Variants in PIGX observed in about 807,000 individuals in gnomAD.
PIGX encodes the protein GPI alpha-1,4-mannosyltransferase I, stabilizing subunit.
PIGX carries 24 observed loss-of-function variants against 28.7 expected under a neutral mutation model. The ratio of observed to expected loss-of-function variants is 0.84; its 90% CI spans 0.60 to 1.17. The LOEUF (loss-of-function observed/expected upper bound fraction) is 1.17, where lower values mean the gene tolerates loss of function less well. PIGX is among the 50% of genes most tolerant of loss of function. The pLI is 0.00. For synonymous variants in PIGX, 127 were observed against 121.0 expected (o/e 1.05, Z -0.33); for missense variants, 305 against 317.8 (o/e 0.96, Z 0.31).
chr3:196,726,672 G>T (rs1449792561), intron 3 of PIGX: 1 of 456,596 alleles, frequency 2.2e-6, no homozygotes, highest in Admixed American at 2.3e-5. Flanking sequence ...CTTCATGGCG[G>T]CGGCTATGGT....
In PIGX at chr3:196,712,578, C is replaced by A; in HGVS notation, c.46C>A (p.Leu16Ile). 1 of 1,189,842 alleles carries A rather than the reference C, an allele frequency of 8.4e-7. No individual in the cohort carries two copies. The highest frequency in any genetic ancestry group is 4.2e-5 in the South Asian group (1 of 23,990). 73.7% of individuals were successfully genotyped at this position (1,189,842 alleles called of 1,614,324 possible). ...GGTTCGGGCGGCCGCCTGGCTGCTC[C>A]TCGGGGCGGCGACCGGGCTCACGCG... is the stretch of plus-strand genomic sequence containing the variant. The change falls in exon 1 of 6, where the codon CTC becomes ATC. Residue 16 changes from leucine to isoleucine, a missense_variant. Physicochemically the swap from Leu to Ile is conservative, Grantham distance 5 (BLOSUM62 2). Transcript: ENST00000392391.
chr3:196,734,062 A>C lies in PIGX; in HGVS notation c.*160A>C. ...TTGGGATCATTCTCAGCTAATTCCA[A>C]AATGTAGTGCTCTATTGCATGGATC... On this transcript the variant is annotated 3_prime_UTR_variant, in exon 6 of 6. Coordinates refer to ENST00000392391, the MANE Select transcript of PIGX (RefSeq NM_017861.4). 1 of 587,118 alleles carries C rather than the reference A, an allele frequency of 1.7e-6. No homozygotes were observed. The highest frequency in any genetic ancestry group is 2.8e-5 in the East Asian group (1 of 35,806). 36.4% of individuals were successfully genotyped at this position (587,118 alleles called of 1,614,324 possible).
intron 5 of PIGX, among the ~76,000 whole-genome samples, chr3:196,732,255 TATTTTATTTTATTTTA>T (rs1560080719): frequency 6.3e-4 from 20 of 31,694 alleles, no homozygotes; most frequent in African/African-American, 3.1e-3. Context: ...TATATATATA[TATTTTATTTTATTTTA>T]TTTTTTTTTT....
In PIGX at chr3:196,731,020, C is replaced by T. The variant is rs182366979; in HGVS notation, c.561C>T (p.His187=). Residue 187 remains histidine, a synonymous_variant, in exon 5 of 6, where the codon CAC becomes CAT. Transcript: ENST00000392391. ...TCCCGATTTTGAAATGCTGGGCTCACTCAGAAGTGGCAGCCCCTTGTGCTT... is the reference window on the plus strand; with the variant it reads ...TCCCGATTTTGAAATGCTGGGCTCATTCAGAAGTGGCAGCCCCTTGTGCTT... The T allele has an allele frequency of 3.7e-6, 6 of 1,611,472 alleles. No homozygotes were observed. In the South Asian group the frequency reaches 4.4e-5, roughly 12 times the overall value.
intron 1 of PIGX, among the ~76,000 whole-genome samples, chr3:196,714,813 C>T (rs956502530): frequency 3.9e-5 from 6 of 152,168 alleles, no homozygotes; most frequent in African/African-American, 1.4e-4. Context: ...CGCTGTGGCC[C>T]ATGCCTGTAA....
intron 4 of PIGX, among the ~76,000 whole-genome samples, chr3:196,730,754 A>T (rs960649014): frequency 5.8e-4 from 88 of 151,302 alleles, no homozygotes; most frequent in Non-Finnish European, 1.0e-3. Flanking sequence ...TCTCAAAAAA[A>T]AAAAAAAAAA....
At chr3:196,725,186 GT>G (rs1316282196) in intron 3 of PIGX, among the ~76,000 whole-genome samples, 1 of 152,104 alleles carries the variant, frequency 6.6e-6, no homozygotes, top group Non-Finnish European at 1.5e-5. Flanking sequence ...TAAAATTGCT[GT>G]TTTGTGGGTC....
At chr3:196,713,828 C>T (rs1413677482) in intron 1 of PIGX, among the ~76,000 whole-genome samples, 10 of 127,560 alleles carry the variant, frequency 7.8e-5, no homozygotes, top group African/African-American at 3.0e-4. Flanking sequence ...CAGAGGGAGA[C>T]TCTGTCTCAA....
chr3:196,724,076 G>A (rs1712430775), intron 3 of PIGX, among the ~76,000 whole-genome samples: 1 of 148,404 alleles, frequency 6.7e-6, no homozygotes, highest in Admixed American at 6.7e-5. Context: ...GGAGTGCGGT[G>A]GCACAATCTT....
In PIGX at chr3:196,728,092, C is replaced by T. The variant is rs774474097; in HGVS notation, c.488C>T (p.Ser163Leu). The change falls in exon 4 of 6, where the codon TCG becomes TTG. Residue 163 changes from serine (S) to leucine (L), a missense_variant. Ser to Leu is a moderately radical substitution (Grantham distance 145, BLOSUM62 -2). Transcript: ENST00000392391. Reference sequence around the variant, plus strand: ...CCGCACAGTGAAGATGGAGAAGCCTCGATTGTGGTCAATAACCCAGATTTG... The same window carrying T: ...CCGCACAGTGAAGATGGAGAAGCCTTGATTGTGGTCAATAACCCAGATTTG... 4.3e-5 allele frequency: 70 copies of T among 1,613,914 alleles called. No individual in the cohort carries two copies. The highest frequency in any genetic ancestry group is 5.3e-5 in the African/African-American group (4 of 74,876).
At chr3:196,729,336 A>AAAAAAATAATAAATAAATC (rs1480690958) in intron 4 of PIGX, among the ~76,000 whole-genome samples, 9 of 151,876 alleles carry the variant, frequency 5.9e-5, no homozygotes, top group African/African-American at 2.2e-4. Context: ...GCGTCTCAAA[A>AAAAAAATAATAAATAAATC]AAAAAATAAA....
chr3:196,728,248 A>C (rs1196617829), intron 4 of PIGX, 112 bp downstream of exon 4: 4 of 730,258 alleles, frequency 5.5e-6, no homozygotes, highest in Non-Finnish European at 7.2e-6. Flanking sequence ...CCTAGGTGGT[A>C]GTTACAAGGG....
At chr3:196,732,751 T>C (rs1430154793) in intron 5 of PIGX, among the ~76,000 whole-genome samples, 5 of 152,208 alleles carry the variant, frequency 3.3e-5, no homozygotes, top group Non-Finnish European at 7.3e-5. Flanking sequence ...TGTGAAATCA[T>C]AATTCAGGTA....
chr3:196,729,757 T>G (rs1319494022), intron 4 of PIGX, among the ~76,000 whole-genome samples: 1 of 151,442 alleles, frequency 6.6e-6, no homozygotes, highest in African/African-American at 2.4e-5. Context: ...TTGGGTTGAT[T>G]TAGAATGTTT....
intron 2 of PIGX, chr3:196,717,849 T>G (rs1712162879): frequency 6.6e-6 from 1 of 152,150 alleles, no homozygotes; most frequent in East Asian, 1.9e-4. Flanking sequence ...AAAGAAATTA[T>G]CTTCAAAAGA....
chr3:196,728,864 C>A, intron 4 of PIGX: 1 of 705,642 alleles, frequency 1.4e-6, no homozygotes, highest in South Asian at 1.5e-5. Flanking sequence ...CTTTTTGTTT[C>A]TTGTTATCAG....
At chr3:196,731,857 C>T (rs371087631) in intron 5 of PIGX, among the ~76,000 whole-genome samples, 18 of 152,104 alleles carry the variant, frequency 1.2e-4, no homozygotes, top group East Asian at 9.6e-4. Flanking sequence ...GACAGAGTCT[C>T]GCTCTGTTGC....
Position 196,716,910 on chromosome 3 carries a change from T to C in PIGX, c.165T>C (p.Asp55=). Residue 55 remains aspartate, a synonymous_variant, in exon 2 of 6, where the codon GAT becomes GAC. Coordinates refer to ENST00000392391, the MANE Select transcript of PIGX (RefSeq NM_017861.4). ...TTTTGAGGCAAGAAGTTTTGAAAGATGGTTTCCACAGGTAAGTTGCCTGTT... is the reference window on the plus strand; with the variant it reads ...TTTTGAGGCAAGAAGTTTTGAAAGACGGTTTCCACAGGTAAGTTGCCTGTT... 1 of 1,595,448 alleles carries C rather than the reference T, an allele frequency of 6.3e-7. No homozygotes were observed. The highest frequency in any genetic ancestry group is 8.6e-7 in the Non-Finnish European group (1 of 1,163,462).
chr3:196,732,263 T>A (rs1471845154), intron 5 of PIGX, among the ~76,000 whole-genome samples: 4 of 49,788 alleles, frequency 8.0e-5, no homozygotes, highest in Non-Finnish European at 1.1e-4. Flanking sequence ...TATATTTTAT[T>A]TTATTTTATT....
Sources: allele counts gnomAD v4.1 joint callset (sites outside exome capture counted in the v4.1 genomes callset), GRCh38; gene constraint gnomAD v4.1.1; transcripts MANE v1.5; gene names NCBI Gene and HGNC (gene_info 2026-07-23, HGNC 2026-07-21).